ABCB5: variants seen among roughly 807,000 people sequenced by gnomAD.
The protein encoded by ABCB5 is ATP binding cassette subfamily B member 5.
ABCB5 carries 155 observed loss-of-function variants against 144.2 expected under a neutral mutation model. The observed-to-expected ratio is 1.08, with a 90% confidence interval of 0.94 to 1.23. The LOEUF is 1.23. ABCB5 is among the 50% of genes most tolerant of loss of function. The probability of loss-of-function intolerance (pLI) is 0.00; values close to 1 mark genes in which losing one functional copy is unlikely to be tolerated. For missense variants in ABCB5, 1,830 were observed against 1,520.8 expected, an observed-to-expected ratio of 1.20 and a Z score of -3.38; for synonymous variants, 610 against 528.6, an observed-to-expected ratio of 1.15 and a Z score of -2.11.
chr7:20,703,414 G>A (rs113309460), intron 19 of ABCB5, among the ~76,000 whole-genome samples: 1,638 of 152,296 alleles, frequency 0.011, 31 homozygotes, highest in African/African-American at 0.037. Context: ...TGGGCATCTA[G>A]GACCCGAAGC....
At chr7:20,700,352 G>T (rs556260380) in intron 19 of ABCB5, among the ~76,000 whole-genome samples, 24 of 152,150 alleles carry the variant, frequency 1.6e-4, no homozygotes, top group Non-Finnish European at 2.6e-4. Flanking sequence ...TTATAGAAAA[G>T]AATGTAGGAT....
At chr7:20,712,273 G>A (rs1787102915) in intron 20 of ABCB5, among the ~76,000 whole-genome samples, 3 of 142,014 alleles carry the variant, frequency 2.1e-5, no homozygotes, top group African/African-American at 7.8e-5. Context: ...TGATCATAAT[G>A]TATATTTCTT....
At chr7:20,741,660 C>T (rs1782565647) in intron 24 of ABCB5, among the ~76,000 whole-genome samples, 2 of 151,546 alleles carry the variant, frequency 1.3e-5, no homozygotes, top group African/African-American at 2.4e-5. Flanking sequence ...TTTTTGTTTA[C>T]TCCTCACCCC....
Position 20,704,741 on chromosome 7 carries a change from T to G in ABCB5, c.2355T>G (p.Asp785Glu). Reference sequence around the variant, plus strand: ...TTCTCTAGGATATTGCCTGGTTTGATGAAAAGGAAAACAGCACAGGAGGCT... The same window carrying G: ...TTCTCTAGGATATTGCCTGGTTTGAGGAAAAGGAAAACAGCACAGGAGGCT... ...AMLYQDIAWF[D>E]EKENSTGGLT... Residue 785 changes from aspartate to glutamate, a missense_variant, in exon 20 of 28, where the codon GAT becomes GAG. Transcript: ENST00000404938. 1 of 1,613,666 alleles carries G rather than the reference T, an allele frequency of 6.2e-7. No homozygotes were observed. Among genetic ancestry groups the G allele is most frequent in the Non-Finnish European group, 8.5e-7 (1 of 1,179,768 alleles).
chr7:20,717,268 C>T (rs10230194), intron 20 of ABCB5, among the ~76,000 whole-genome samples: 2 of 152,062 alleles, frequency 1.3e-5, no homozygotes, highest in Non-Finnish European at 2.9e-5. Flanking sequence ...TAGGAGGCTG[C>T]AACAACAGAC....
At chr7:20,626,946 G>A (rs1783922964) in intron 3 of ABCB5, among the ~76,000 whole-genome samples, 1 of 151,576 alleles carries the variant, frequency 6.6e-6, no homozygotes. Context: ...AATTATCAGT[G>A]ACTTTTACTA....
intron 20 of ABCB5, among the ~76,000 whole-genome samples, chr7:20,714,677 T>C (rs966753434): frequency 2.0e-5 from 3 of 152,228 alleles, no homozygotes; most frequent in African/African-American, 7.2e-5. Flanking sequence ...AAATGAACTA[T>C]AGAAAGGATA....
chr7:20,725,472 A>G (rs1782005614), intron 21 of ABCB5, among the ~76,000 whole-genome samples: 1 of 152,158 alleles, frequency 6.6e-6, no homozygotes, highest in African/African-American at 2.4e-5. Context: ...CCAGCTACTC[A>G]GGAGGCTAAG....
At chr7:20,750,419 CAT>C (rs1491153746) in intron 26 of ABCB5, among the ~76,000 whole-genome samples, 11 of 144,970 alleles carry the variant, frequency 7.6e-5, no homozygotes, top group Non-Finnish European at 3.1e-5. Context: ...CACACACACA[CAT>C]ATACACACAA....
chr7:20,624,464 T>C (rs1047936521), intron 2 of ABCB5, among the ~76,000 whole-genome samples: 5 of 152,220 alleles, frequency 3.3e-5, no homozygotes, highest in African/African-American at 7.2e-5. Flanking sequence ...ACTGCATCTA[T>C]ATGCTATCGC....
chr7:20,715,874 C>T (rs911118691), intron 20 of ABCB5, among the ~76,000 whole-genome samples: 1 of 152,020 alleles, frequency 6.6e-6, no homozygotes, highest in Admixed American at 6.6e-5. Context: ...TGCCCACCAC[C>T]ACGCCCAGCT....
chr7:20,691,556 C>T (rs1398097723), intron 16 of ABCB5, among the ~76,000 whole-genome samples: 2 of 148,932 alleles, frequency 1.3e-5, no homozygotes, highest in African/African-American at 5.0e-5. Flanking sequence ...ATTAAACTAA[C>T]TGGAGTAGAA....
intron 20 of ABCB5, among the ~76,000 whole-genome samples, chr7:20,711,797 T>TC (rs1491049079): frequency 2.6e-5 from 1 of 38,240 alleles, no homozygotes; most frequent in Non-Finnish European, 4.0e-5. Flanking sequence ...TCTTTCTTTC[T>TC]TTCTTTCTTT....
At position 20,658,950 on chromosome 7, in the gene ABCB5, C is replaced by T. The variant is rs534373179; in HGVS notation, c.1707+274C>T. On this transcript the variant is annotated intron_variant, in intron 14 of 27. Transcript: ENST00000404938. Reference sequence around the variant, plus strand: ...ATACCTCCATTCCAAGTGGTTTGCACTTTCCACCTCCCTAGAGTGGCCCAC... The same window carrying T: ...ATACCTCCATTCCAAGTGGTTTGCATTTTCCACCTCCCTAGAGTGGCCCAC... The T allele has an allele frequency of 1.5e-5, 19 of 1,239,302 alleles. No individual in the cohort carries two copies. The Admixed American group carries it at 3.2e-4, about 21-fold the overall frequency. The allele number at this position is 1,239,302 out of a possible 1,614,324, so 76.8% of individuals were successfully genotyped here.
chr7:20,746,916 T>C (rs1782742838), intron 26 of ABCB5, among the ~76,000 whole-genome samples: 1 of 152,188 alleles, frequency 6.6e-6, no homozygotes, highest in East Asian at 1.9e-4. Context: ...ACAACCAATA[T>C]ATCAAACAAC....
intron 16 of ABCB5, among the ~76,000 whole-genome samples, chr7:20,694,999 C>T (rs1008176809): frequency 6.6e-6 from 1 of 151,776 alleles, no homozygotes; most frequent in African/African-American, 2.4e-5. Context: ...TAAGAAAATT[C>T]AGTATAGTTA....
intron 23 of ABCB5, among the ~76,000 whole-genome samples, chr7:20,730,165 G>A (rs538526107): frequency 6.6e-6 from 1 of 152,334 alleles, no homozygotes; most frequent in South Asian, 2.1e-4. Context: ...TTTCCTGGAA[G>A]CAGATTTCCT....
chr7:20,726,268 T>C (rs541603195), intron 21 of ABCB5, among the ~76,000 whole-genome samples: 3 of 152,246 alleles, frequency 2.0e-5, no homozygotes, highest in Admixed American at 6.5e-5. Context: ...GCCATGTTAC[T>C]TTCCTGTAAT....
chr7:20,651,359 A>C (rs1784578038), intron 12 of ABCB5, 61 bp from the exon 13 acceptor site: 1 of 1,560,276 alleles, frequency 6.4e-7, no homozygotes, highest in East Asian at 2.3e-5. Context: ...TCTAGTATGA[A>C]AAACCCTAAA....
Sources: allele counts gnomAD v4.1 joint callset (sites outside exome capture counted in the v4.1 genomes callset), GRCh38; gene constraint gnomAD v4.1.1; transcripts MANE v1.5; gene names NCBI Gene and HGNC (gene_info 2026-07-23, HGNC 2026-07-21).